Variants in ATG4C observed in about 807,000 individuals in gnomAD.
ATG4C encodes the protein autophagy related 4C cysteine peptidase.
Under a neutral mutation model 57.6 loss-of-function variants are expected in ATG4C, and 56 were observed. The observed-to-expected ratio is 0.97, with a 90% CI of 0.78 to 1.21. ATG4C has a LOEUF of 1.21. Among genes scored for constraint, ATG4C ranks in the 50% most tolerant of loss-of-function variants. ATG4C has a pLI of 0.00. For missense variants in ATG4C, 595 were observed against 529.8 expected, an observed-to-expected ratio of 1.12 and a Z score of -1.21; for synonymous variants, 157 against 174.1, an observed-to-expected ratio of 0.90 and a Z score of 0.78.
intron 6 of ATG4C, among the ~76,000 whole-genome samples, chr1:62,825,679 G>T (rs144052406): frequency 6.6e-6 from 1 of 152,038 alleles, no homozygotes; most frequent in South Asian, 2.1e-4. Context: ...CTCCAGTTGC[G>T]TGTCCCTGTC....
intron 1 of ATG4C, among the ~76,000 whole-genome samples, chr1:62,795,541 T>G (rs1334018834): frequency 6.6e-6 from 1 of 152,260 alleles, no homozygotes; most frequent in Non-Finnish European, 1.5e-5. Context: ...TTCTTCTCTT[T>G]AATACTATTA....
At chr1:62,842,483 T>C (rs1424743443) in intron 10 of ATG4C, among the ~76,000 whole-genome samples, 1 of 151,992 alleles carries the variant, frequency 6.6e-6, no homozygotes, top group Non-Finnish European at 1.5e-5. Flanking sequence ...GTAATTTTAG[T>C]AGAGACGGGG....
At chr1:62,836,344 T>C (rs10889385) in intron 9 of ATG4C, among the ~76,000 whole-genome samples, 32 of 151,864 alleles carry the variant, frequency 2.1e-4, no homozygotes, top group African/African-American at 7.0e-4. Context: ...ACATTTCTTA[T>C]ATAGTGGGAC....
At chr1:62,795,561 TA>T (rs1449118135) in intron 1 of ATG4C, among the ~76,000 whole-genome samples, 3 of 152,208 alleles carry the variant, frequency 2.0e-5, no homozygotes, top group African/African-American at 7.2e-5. Context: ...AGCATCTAAT[TA>T]AAATGGATTT....
At chr1:62,825,351 A>G (rs1047674794) in intron 6 of ATG4C, among the ~76,000 whole-genome samples, 2 of 151,936 alleles carry the variant, frequency 1.3e-5, no homozygotes, top group East Asian at 1.9e-4. Flanking sequence ...CACACAATCT[A>G]TCAGTAGCAT....
At chr1:62,791,940 C>T (rs1340954008) in intron 1 of ATG4C, among the ~76,000 whole-genome samples, 2 of 152,114 alleles carry the variant, frequency 1.3e-5, no homozygotes, top group Non-Finnish European at 2.9e-5. Context: ...GGCATATACA[C>T]ATCCATATAT....
intron 1 of ATG4C, among the ~76,000 whole-genome samples, chr1:62,787,093 A>G (rs1366839780): frequency 6.6e-6 from 1 of 152,208 alleles, no homozygotes; most frequent in Non-Finnish European, 1.5e-5. Context: ...GGTAGAGAAC[A>G]TCGAAAGAGG....
chr1:62,863,188 A>T (rs1666906491), intron 10 of ATG4C, among the ~76,000 whole-genome samples: 2 of 152,018 alleles, frequency 1.3e-5, no homozygotes, highest in African/African-American at 4.8e-5. Context: ...ATCCTCACAA[A>T]ATTCTAGGTA....
intron 2 of ATG4C, among the ~76,000 whole-genome samples, chr1:62,804,686 C>G (rs1329238140): frequency 6.6e-6 from 1 of 152,076 alleles, no homozygotes; most frequent in Non-Finnish European, 1.5e-5. Flanking sequence ...GAGTATATGG[C>G]TATTTTTGAA....
At chr1:62,793,597 GA>G (rs746057232) in intron 1 of ATG4C, among the ~76,000 whole-genome samples, 270 of 20,520 alleles carry the variant, frequency 0.013, 9 homozygotes, top group African/African-American at 0.046. Flanking sequence ...ACCTTGTCTC[GA>G]AAAAAAAAAA....
intron 1 of ATG4C, among the ~76,000 whole-genome samples, chr1:62,800,828 G>A (rs1215618917): frequency 6.6e-6 from 1 of 152,196 alleles, no homozygotes; most frequent in African/African-American, 2.4e-5. Context: ...AATGAATGTG[G>A]TGATACAGGA....
Position 62,829,030 on chromosome 1 carries a change from T to C in ATG4C, c.797-10T>C. ...TAAAATTTAATACATATTCATTATGTTTTTCTCAGTTTACAATTCTGATGT... is the reference window on the plus strand; with the variant it reads ...TAAAATTTAATACATATTCATTATGCTTTTCTCAGTTTACAATTCTGATGT... On this transcript the variant is annotated splice_polypyrimidine_tract_variant and intron_variant, in intron 6 of 10. Transcript: ENST00000317868. 1 of 1,594,154 alleles carries C rather than the reference T, an allele frequency of 6.3e-7. No homozygotes were observed. The highest frequency in any genetic ancestry group is 1.4e-5 in the African/African-American group (1 of 73,886).
chr1:62,802,546 CATT>C (rs1482931058), intron 1 of ATG4C, among the ~76,000 whole-genome samples: 1 of 151,832 alleles, frequency 6.6e-6, no homozygotes, highest in East Asian at 1.9e-4. Flanking sequence ...GTGGTAAACT[CATT>C]ATCTACTTTT....
At chr1:62,812,107 C>G (rs780791489) in intron 3 of ATG4C, among the ~76,000 whole-genome samples, 48 of 152,066 alleles carry the variant, frequency 3.2e-4, no homozygotes, top group Non-Finnish European at 6.5e-4. Flanking sequence ...TGGTGATATT[C>G]TTTGGTCTGA....
At chr1:62,826,795 A>G (rs1456300567) in intron 6 of ATG4C, among the ~76,000 whole-genome samples, 1 of 119,462 alleles carries the variant, frequency 8.4e-6, no homozygotes, top group African/African-American at 3.3e-5. Context: ...CCCTGTGTCC[A>G]AATATTCTCA....
chr1:62,839,026 A>G (rs1251714461), intron 9 of ATG4C, among the ~76,000 whole-genome samples: 1 of 152,162 alleles, frequency 6.6e-6, no homozygotes, highest in Non-Finnish European at 1.5e-5. Context: ...GTTTAGTATT[A>G]TTGGTTCTTA....
At chr1:62,800,890 G>A (rs1664634883) in intron 1 of ATG4C, among the ~76,000 whole-genome samples, 1 of 152,188 alleles carries the variant, frequency 6.6e-6, no homozygotes, top group Non-Finnish European at 1.5e-5. Flanking sequence ...TTAGTTTAAA[G>A]TTTAGAGAGG....
chr1:62,803,924 T>TC, intron 2 of ATG4C, 62 bp downstream of exon 2: 1 of 1,041,196 alleles, frequency 9.6e-7, no homozygotes, highest in South Asian at 1.5e-5. Flanking sequence ...ATTTATCATT[T>TC]CCCCTCTTAA....
At chr1:62,837,208 A>G (rs376983728) in intron 9 of ATG4C, among the ~76,000 whole-genome samples, 35 of 152,284 alleles carry the variant, frequency 2.3e-4, no homozygotes, top group African/African-American at 7.5e-4. Flanking sequence ...TTGAATTTCT[A>G]TACTAACTTT....
Sources: gnomAD v4.1 joint callset for allele counts (sites outside exome capture counted in the v4.1 genomes callset) on GRCh38, gnomAD v4.1.1 for gene constraint, MANE v1.5 for transcripts, NCBI Gene and HGNC (gene_info 2026-07-23, HGNC 2026-07-21) for gene names.